The following ITGA8 variants were observed in gnomAD, a reference collection of about 807,000 sequenced individuals.
ITGA8 encodes integrin subunit alpha 8, also known as integrin alpha-8.
In ITGA8, 91 loss-of-function variants were observed where a neutral mutation model predicts 142.3. The observed-to-expected ratio is 0.64, with a 90% CI of 0.54 to 0.76. The LOEUF is 0.76. Among genes scored for constraint, ITGA8 ranks in the 30% least tolerant of loss-of-function variants. The probability of loss-of-function intolerance (pLI) is 0.00; values close to 1 mark genes in which losing one functional copy is unlikely to be tolerated. For synonymous variants in ITGA8, 505 were observed against 485.2 expected (o/e 1.04, Z -0.54); for missense variants, 1,406 against 1,327.7 (o/e 1.06, Z -0.92).
chr10:15,697,456 G>A (rs938874029), intron 2 of ITGA8, among the ~76,000 whole-genome samples: 17 of 152,164 alleles, frequency 1.1e-4, no homozygotes, highest in African/African-American at 3.9e-4. Context: ...GCCACCATCA[G>A]GAATTAAATG....
chr10:15,688,829 G>C (rs1480309984), intron 2 of ITGA8, among the ~76,000 whole-genome samples: 1 of 152,182 alleles, frequency 6.6e-6, no homozygotes, highest in Non-Finnish European at 1.5e-5. Flanking sequence ...TTAAAAGTTA[G>C]TTATAGAGGG....
chr10:15,601,596 CATA>C (rs1460405786), intron 20 of ITGA8, among the ~76,000 whole-genome samples: 2 of 152,034 alleles, frequency 1.3e-5, no homozygotes, highest in African/African-American at 4.8e-5. Flanking sequence ...TTACTACTAT[CATA>C]ATGATGATGA....
At chr10:15,522,822 G>A (rs1296297032) in intron 28 of ITGA8, among the ~76,000 whole-genome samples, 1 of 152,122 alleles carries the variant, frequency 6.6e-6, no homozygotes, top group East Asian at 1.9e-4. Context: ...GACCAGCCTG[G>A]CCAACATGGT....
intron 9 of ITGA8, among the ~76,000 whole-genome samples, chr10:15,659,434 A>G (rs1834245443): frequency 6.6e-6 from 1 of 152,226 alleles, no homozygotes; most frequent in South Asian, 2.1e-4. Flanking sequence ...TGCAAGAAAA[A>G]TTAGATTTTA....
chr10:15,719,719 G>C lies in ITGA8; in HGVS notation c.53C>G (p.Ala18Gly). The change falls in exon 1 of 30, where the codon GCG becomes GGG. Residue 18 changes from alanine to glycine, a missense_variant. By Grantham distance (60) the Ala-to-Gly change is moderately conservative. Transcript: ENST00000378076. ...GPRGSQAPLI[A>G]PLCCAAAALG... The stretch of plus-strand genomic sequence containing the variant: ...CGCGGCCGCGGCGCAGCAGAGGGGC[G>C]CGATCAGCGGCGCCTGGCTTCCCCG... The C allele has an allele frequency of 2.2e-6, 3 of 1,394,744 alleles. No individual in the cohort carries two copies. Among genetic ancestry groups the C allele is most frequent in the East Asian group, 3.0e-5 (1 of 33,294 alleles). 86.4% of individuals were successfully genotyped at this position (1,394,744 alleles called of 1,614,324 possible). A position where few individuals can be genotyped will look rare whatever the true frequency, so the allele number is the denominator to read the frequency against.
chr10:15,586,563 T>C, intron 23 of ITGA8, 21 bp downstream of exon 23: 2 of 1,429,746 alleles, frequency 1.4e-6, no homozygotes, highest in South Asian at 1.2e-5. Flanking sequence ...GATATTGTAC[T>C]ATGCATTGCT....
intron 2 of ITGA8, among the ~76,000 whole-genome samples, chr10:15,713,937 C>G (rs1470761630): frequency 6.6e-6 from 1 of 151,612 alleles, no homozygotes; most frequent in Non-Finnish European, 1.5e-5. Flanking sequence ...CAGGCAAATT[C>G]TAGTGGTCTT....
At chr10:15,548,096 TAA>T (rs1564345828) in intron 27 of ITGA8, among the ~76,000 whole-genome samples, 1 of 150,532 alleles carries the variant, frequency 6.6e-6, no homozygotes, top group African/African-American at 2.5e-5. Context: ...ATTCAAGTTT[TAA>T]TTTTTTTTTT....
chr10:15,666,747 A>T (rs1834401861), intron 8 of ITGA8, among the ~76,000 whole-genome samples: 1 of 152,164 alleles, frequency 6.6e-6, no homozygotes, highest in African/African-American at 2.4e-5. Context: ...GAATTTTGTC[A>T]AAGGCCTTTT....
intron 2 of ITGA8, among the ~76,000 whole-genome samples, chr10:15,704,609 G>A (rs1196510759): frequency 6.6e-6 from 1 of 152,074 alleles, no homozygotes; most frequent in African/African-American, 2.4e-5. Flanking sequence ...CGTAGTCATA[G>A]GTACAGCTGG....
intron 25 of ITGA8, 66 bp from the exon 26 acceptor site, chr10:15,558,268 C>G (rs1833919433): frequency 1.3e-6 from 2 of 1,586,834 alleles, no homozygotes; most frequent in Admixed American, 3.5e-5. Context: ...TTTCTTTAGC[C>G]TTGAACTCTA....
At chr10:15,684,326 G>A (rs1035124768) in intron 3 of ITGA8, among the ~76,000 whole-genome samples, 199 bp from the exon 4 acceptor site, 2 of 151,488 alleles carry the variant, frequency 1.3e-5, no homozygotes, top group African/African-American at 4.8e-5. Flanking sequence ...TGTAGAATTG[G>A]TGAAAATTAA....
chr10:15,640,142 T>G (rs1389060439), intron 13 of ITGA8, among the ~76,000 whole-genome samples: 1 of 152,174 alleles, frequency 6.6e-6, no homozygotes, highest in Non-Finnish European at 1.5e-5. Flanking sequence ...GCATCTTCAC[T>G]TAGTACTCTC....
chr10:15,637,228 G>A (rs144949068), intron 13 of ITGA8, among the ~76,000 whole-genome samples: 1 of 152,176 alleles, frequency 6.6e-6, no homozygotes, highest in Non-Finnish European at 1.5e-5. Context: ...CCACATGACT[G>A]TCAGGTGAAG....
chr10:15,626,696 G>A (rs1833588856), intron 13 of ITGA8, among the ~76,000 whole-genome samples: 1 of 152,144 alleles, frequency 6.6e-6, no homozygotes, highest in African/African-American at 2.4e-5. Context: ...TCATCTGGGT[G>A]GGCCCTAATC....
chr10:15,585,725 G>C (rs1467130463), intron 23 of ITGA8, among the ~76,000 whole-genome samples: 7 of 152,130 alleles, frequency 4.6e-5, no homozygotes, highest in Admixed American at 3.3e-4. Flanking sequence ...TTTTCCCCCA[G>C]GCATGGATTT....
chr10:15,646,873 C>T lies in ITGA8; in HGVS notation c.1180G>A (p.Gly394Arg). Residue 394 changes from glycine to arginine, a missense_variant, in exon 12 of 30, where the codon GGA (glycine) becomes AGA (arginine). Transcript: ENST00000378076. ...TTGTATCCATCTTGGTTCAGGTCTCCTAAGTGTGCCATAGCACTACCGAAT... is the reference window on the plus strand; with the variant it reads ...TTGTATCCATCTTGGTTCAGGTCTCTTAAGTGTGCCATAGCACTACCGAAT... Reference protein sequence around the residue: ...GRFGSAMAHLGDLNQDGYNDI... With the variant: ...GRFGSAMAHLRDLNQDGYNDI... The T allele has an allele frequency of 6.2e-7, 1 of 1,613,928 alleles. No individual in the cohort carries two copies. The highest frequency in any genetic ancestry group is 1.7e-5 in the Admixed American group (1 of 59,990).
At chr10:15,667,350 G>C (rs1284380030) in intron 8 of ITGA8, among the ~76,000 whole-genome samples, 1 of 151,962 alleles carries the variant, frequency 6.6e-6, no homozygotes, top group Non-Finnish European at 1.5e-5. Context: ...TATTTCTGTG[G>C]TATCGGTGGT....
chr10:15,718,700 G>T (rs763184013), intron 2 of ITGA8, 66 bp downstream of exon 2: 87 of 1,584,344 alleles, frequency 5.5e-5, no homozygotes, highest in Non-Finnish European at 7.2e-5. Context: ...GCGGGAAGTC[G>T]CCTCTGGGAT....
Sources: gnomAD v4.1 joint callset for allele counts (sites outside exome capture counted in the v4.1 genomes callset) on GRCh38, gnomAD v4.1.1 for gene constraint, MANE v1.5 for transcripts, NCBI Gene and HGNC (gene_info 2026-07-23, HGNC 2026-07-21) for gene names.